SUGCT: variants seen among roughly 807,000 people sequenced by gnomAD.
The protein encoded by SUGCT is succinyl-CoA:glutarate CoA-transferase.
A neutral mutation model predicts 55.0 loss-of-function variants in SUGCT; 41 were observed. The observed-to-expected ratio is 0.74, with a 90% confidence interval of 0.58 to 0.97. The LOEUF is 0.97. Ranked by LOEUF, SUGCT falls within the 50% of genes least tolerant of loss-of-function variation. SUGCT has a pLI of 0.00. For missense variants in SUGCT, 568 were observed against 547.8 expected (o/e 1.04, Z -0.37); for synonymous variants, 187 against 200.4 (o/e 0.93, Z 0.56).
rs74329848 is a variant in SUGCT, at chr7:40,528,004, C to A, written c.1089+31618C>A. Reference sequence around the variant, plus strand: ...ACAGCCTAGTGGATAGATATAAGTACAACAGGATGAGTTTGCCTGAGTTCA... The same window carrying A: ...ACAGCCTAGTGGATAGATATAAGTAAAACAGGATGAGTTTGCCTGAGTTCA... On this transcript the variant is annotated intron_variant, in intron 12 of 13. Coordinates refer to ENST00000335693, the MANE Select transcript of SUGCT (RefSeq NM_001193313.2). 3.0e-3 allele frequency among the ~76,000 whole-genome samples: 452 copies of A among 152,224 alleles called. 1 individual carries two copies. Among genetic ancestry groups the A allele is most frequent in the Middle Eastern group, 0.01 (3 of 294 alleles).
intron 12 of SUGCT, among the ~76,000 whole-genome samples, chr7:40,710,986 T>A (rs1785681693): frequency 6.6e-6 from 1 of 152,194 alleles, no homozygotes; most frequent in Non-Finnish European, 1.5e-5. Context: ...GAGTACAGTG[T>A]CGTTGCCTGA....
intron 1 of SUGCT, among the ~76,000 whole-genome samples, chr7:40,143,592 A>G: frequency 6.6e-6 from 1 of 152,268 alleles, no homozygotes; most frequent in African/African-American, 2.4e-5. Flanking sequence ...TTTAACGTGC[A>G]GACGGAATAT....
chr7:40,952,077 T>C, the SUGCT span, among the ~76,000 whole-genome samples: 1 of 152,206 alleles, frequency 6.6e-6, no homozygotes, highest in African/African-American at 2.4e-5. Context: ...ATTATTATTG[T>C]GTGGGAGTCT....
At chr7:40,371,821 A>C (rs1380476639) in intron 9 of SUGCT, among the ~76,000 whole-genome samples, 1 of 152,088 alleles carries the variant, frequency 6.6e-6, no homozygotes, top group Admixed American at 6.6e-5. Context: ...TGATATAGGA[A>C]GAAGAGAATC....
At chr7:40,263,455 G>A (rs73687572) in intron 7 of SUGCT, among the ~76,000 whole-genome samples, 40 of 152,298 alleles carry the variant, frequency 2.6e-4, no homozygotes, top group African/African-American at 9.6e-4. Context: ...ATCCAGAAAA[G>A]TGGTATAGGC....
intron 9 of SUGCT, among the ~76,000 whole-genome samples, chr7:40,397,454 G>T (rs545752831): frequency 1.1e-3 from 162 of 152,172 alleles, no homozygotes; most frequent in African/African-American, 3.7e-3. Flanking sequence ...AGTTATTTGT[G>T]ACTTCGACTT....
chr7:40,145,948 C>T (rs1788222937), intron 1 of SUGCT, among the ~76,000 whole-genome samples: 1 of 152,244 alleles, frequency 6.6e-6, no homozygotes, highest in South Asian at 2.1e-4. Flanking sequence ...CCTCCAAGGT[C>T]TGGTCAGACC....
At chr7:40,805,114 A>C (rs914987272) in intron 13 of SUGCT, among the ~76,000 whole-genome samples, 5 of 152,306 alleles carry the variant, frequency 3.3e-5, no homozygotes, top group African/African-American at 1.2e-4. Flanking sequence ...AGACAGTTGG[A>C]CAGTTTAGGA....
intron 12 of SUGCT, among the ~76,000 whole-genome samples, chr7:40,643,661 A>G (rs1411102087): frequency 1.3e-5 from 2 of 152,226 alleles, no homozygotes; most frequent in African/African-American, 4.8e-5. Context: ...TTCTTCTCTA[A>G]ATATCAGAAT....
chr7:40,224,865 G>T (rs1788238155), intron 6 of SUGCT, among the ~76,000 whole-genome samples: 1 of 152,156 alleles, frequency 6.6e-6, no homozygotes, highest in Non-Finnish European at 1.5e-5. Context: ...GTGTTGGCCT[G>T]AATTTGGGGA....
intron 9 of SUGCT, among the ~76,000 whole-genome samples, chr7:40,439,395 A>G (rs1189688961): frequency 6.6e-6 from 1 of 151,722 alleles, no homozygotes; most frequent in African/African-American, 2.4e-5. Flanking sequence ...TTTCTTATGC[A>G]GCTAGTCTGT....
chr7:40,419,984 A>G (rs548196827), intron 9 of SUGCT, among the ~76,000 whole-genome samples: 3 of 152,306 alleles, frequency 2.0e-5, no homozygotes, highest in African/African-American at 4.8e-5. Flanking sequence ...GCTCCAAACC[A>G]TGTGCTTTTT....
intron 12 of SUGCT, among the ~76,000 whole-genome samples, chr7:40,583,858 G>C (rs555879449): frequency 6.6e-6 from 1 of 152,286 alleles, no homozygotes; most frequent in East Asian, 1.9e-4. Flanking sequence ...ATGTAACCCA[G>C]TTCAGGATCT....
chr7:41,019,617 GA>G, the SUGCT span, among the ~76,000 whole-genome samples: 206 of 152,270 alleles, frequency 1.4e-3, 1 homozygote, highest in African/African-American at 4.7e-3. Context: ...CTTGGGTTGG[GA>G]AAACAAATTT....
intron 10 of SUGCT, among the ~76,000 whole-genome samples, chr7:40,452,782 T>C (rs1410353122): frequency 6.6e-6 from 1 of 152,194 alleles, no homozygotes; most frequent in Non-Finnish European, 1.5e-5. Flanking sequence ...GAAAATTAGA[T>C]ATGAAGATTC....
chr7:40,958,493 T>C, the SUGCT span, among the ~76,000 whole-genome samples: 1 of 151,866 alleles, frequency 6.6e-6, no homozygotes, highest in Non-Finnish European at 1.5e-5. Flanking sequence ...GTTCTCGTGC[T>C]GTGTTTTTCA....
At position 40,202,491 on chromosome 7, in the gene SUGCT, G is replaced by A. The variant is rs146385149; in HGVS notation, c.484+7431G>A. On this transcript the variant is annotated intron_variant, in intron 6 of 13. Transcript: ENST00000335693. Reference sequence around the variant, plus strand: ...CATGCATGTGTCTGCATGTCTATGTGTTTCGGAAGAGCCTAGTCAGTTTCT... The same window carrying A: ...CATGCATGTGTCTGCATGTCTATGTATTTCGGAAGAGCCTAGTCAGTTTCT... Among the ~76,000 whole-genome samples, 527 of 152,250 alleles carry A rather than the reference G, an allele frequency of 3.5e-3. 4 individuals carry two copies. The highest frequency in any genetic ancestry group is 0.012 in the African/African-American group (493 of 41,544).
intron 9 of SUGCT, among the ~76,000 whole-genome samples, chr7:40,368,182 T>A (rs993900659): frequency 2.0e-5 from 3 of 152,170 alleles, no homozygotes; most frequent in Non-Finnish European, 4.4e-5. Context: ...TAGTCTATAC[T>A]TTTTTATTTT....
At chr7:40,659,080 C>T (rs962583941) in intron 12 of SUGCT, among the ~76,000 whole-genome samples, 10 of 152,128 alleles carry the variant, frequency 6.6e-5, no homozygotes, top group Admixed American at 5.9e-4. Flanking sequence ...TATGAATGCA[C>T]TCACACTTCT....
Sources: gnomAD v4.1 joint callset for allele counts (sites outside exome capture counted in the v4.1 genomes callset) on GRCh38, gnomAD v4.1.1 for gene constraint, MANE v1.5 for transcripts, NCBI Gene and HGNC (gene_info 2026-07-23, HGNC 2026-07-21) for gene names.